XYLT1: variants seen among roughly 807,000 people sequenced by gnomAD.
XYLT1 encodes xylosyltransferase 1.
Under a neutral mutation model 91.3 loss-of-function variants are expected in XYLT1, and 36 were observed. That is an observed-to-expected ratio of 0.39 (90% CI 0.30 to 0.52). XYLT1 has a LOEUF of 0.52. XYLT1 is among the 20% of genes least tolerant of loss of function. The pLI, the probability that XYLT1 is intolerant of heterozygous loss-of-function variation, is 0.68. For synonymous variants in XYLT1, 588 were observed against 532.0 expected, an observed-to-expected ratio of 1.11 and a Z score of -1.45; for missense variants, 1,242 against 1,284.5, an observed-to-expected ratio of 0.97 and a Z score of 0.51.
At chr16:17,295,118 C>T (rs569220780) in intron 2 of XYLT1, among the ~76,000 whole-genome samples, 1 of 152,214 alleles carries the variant, frequency 6.6e-6, no homozygotes, top group South Asian at 2.1e-4. Flanking sequence ...AGCAAAGACT[C>T]CCAGTGGGTA....
chr16:17,193,211 G>C (rs1398291408), intron 5 of XYLT1: 1 of 152,206 alleles, frequency 6.6e-6, no homozygotes, highest in Non-Finnish European at 1.5e-5. Context: ...AAGTCCCACA[G>C]TTACTTATAG....
At chr16:17,322,528 C>T (rs1398531463) in intron 2 of XYLT1, among the ~76,000 whole-genome samples, 1 of 152,174 alleles carries the variant, frequency 6.6e-6, no homozygotes, top group Non-Finnish European at 1.5e-5. Context: ...CCATACTCTC[C>T]TGCCTCTAAT....
At chr16:17,111,519 A>C (rs140003114) in intron 11 of XYLT1, among the ~76,000 whole-genome samples, 283 of 152,354 alleles carry the variant, frequency 1.9e-3, no homozygotes, top group African/African-American at 6.6e-3. Context: ...TTCAGAAGAC[A>C]GTGCTTCCTG....
At chr16:17,139,046 G>C (rs896844982) in intron 7 of XYLT1, among the ~76,000 whole-genome samples, 5 of 152,162 alleles carry the variant, frequency 3.3e-5, no homozygotes, top group African/African-American at 9.7e-5. Context: ...CCATGGTACT[G>C]AACCAGGTGC....
At chr16:17,380,113 C>T (rs184116712) in intron 1 of XYLT1, among the ~76,000 whole-genome samples, 1 of 151,908 alleles carries the variant, frequency 6.6e-6, no homozygotes, top group South Asian at 2.1e-4. Context: ...CATGGTGAAA[C>T]CCCATCTCTA....
At chr16:17,449,380 C>T (rs557403722) in intron 1 of XYLT1, among the ~76,000 whole-genome samples, 74 of 152,348 alleles carry the variant, frequency 4.9e-4, no homozygotes, top group Admixed American at 4.8e-3. Context: ...GGGTGTCTGC[C>T]AGGCCTGCAG....
chr16:17,279,601 G>A (rs755377076), intron 2 of XYLT1, among the ~76,000 whole-genome samples: 2 of 152,162 alleles, frequency 1.3e-5, no homozygotes, highest in African/African-American at 2.4e-5. Context: ...TCTTCAACAA[G>A]TGTGTCATTT....
intron 3 of XYLT1, among the ~76,000 whole-genome samples, chr16:17,249,105 T>G (rs1045862039): frequency 2.0e-5 from 3 of 152,198 alleles, no homozygotes; most frequent in African/African-American, 7.2e-5. Flanking sequence ...ACGGGGATTC[T>G]ATCTGCTTTC....
At chr16:17,353,539 A>G (rs1025166963) in intron 2 of XYLT1, among the ~76,000 whole-genome samples, 1 of 152,240 alleles carries the variant, frequency 6.6e-6, no homozygotes, top group African/African-American at 2.4e-5. Context: ...TTCTTTTAAA[A>G]TAAATTTTCA....
At chr16:17,377,703 C>G (rs1307508021) in intron 1 of XYLT1, among the ~76,000 whole-genome samples, 1 of 152,142 alleles carries the variant, frequency 6.6e-6, no homozygotes, top group African/African-American at 2.4e-5. Flanking sequence ...CCTCGAAACC[C>G]AGACATGACT....
intron 5 of XYLT1, among the ~76,000 whole-genome samples, chr16:17,176,048 A>C (rs1249380834): frequency 6.6e-6 from 1 of 152,102 alleles, no homozygotes; most frequent in Non-Finnish European, 1.5e-5. Context: ...TGCAAAAAAA[A>C]AATGCGGTAA....
At chr16:17,330,664 C>A (rs2034882371) in intron 2 of XYLT1, among the ~76,000 whole-genome samples, 1 of 151,782 alleles carries the variant, frequency 6.6e-6, no homozygotes, top group Non-Finnish European at 1.5e-5. Flanking sequence ...TATGGTGATA[C>A]ATGCCTGTAA....
chr16:17,138,807 G>T (rs1246210795), intron 7 of XYLT1: 5 of 344,254 alleles, frequency 1.5e-5, no homozygotes, highest in Admixed American at 3.8e-5. Context: ...GGACTCTTAT[G>T]TTCTCTGCAT....
chr16:17,420,128 G>A (rs542875872), intron 1 of XYLT1, among the ~76,000 whole-genome samples: 3 of 152,104 alleles, frequency 2.0e-5, no homozygotes, highest in Non-Finnish European at 2.9e-5. Flanking sequence ...TGCTACCCAC[G>A]TTATCCAAAA....
chr16:17,302,636 A>T (rs746200689), intron 2 of XYLT1, among the ~76,000 whole-genome samples: 30 of 152,234 alleles, frequency 2.0e-4, no homozygotes, highest in Non-Finnish European at 3.5e-4. Context: ...GCTCCAAGGT[A>T]TGATGGTCCT....
chr16:17,203,479 C>G (rs1204325205), intron 3 of XYLT1, among the ~76,000 whole-genome samples: 3 of 151,886 alleles, frequency 2.0e-5, no homozygotes, highest in African/African-American at 7.3e-5. Flanking sequence ...TCTGTCCATC[C>G]ATCTACCCAC....
chr16:17,140,324 AG>A (rs2141518868), intron 7 of XYLT1, among the ~76,000 whole-genome samples: 2 of 152,270 alleles, frequency 1.3e-5, no homozygotes, highest in East Asian at 3.9e-4. Context: ...TGGTGTAAAA[AG>A]GTGGTCATTA....
intron 1 of XYLT1, among the ~76,000 whole-genome samples, chr16:17,367,495 C>T (rs1198075685): frequency 1.3e-5 from 2 of 152,230 alleles, no homozygotes; most frequent in African/African-American, 4.8e-5. Flanking sequence ...ACCAAGATGG[C>T]AGGTGGCCCA....
intron 9 of XYLT1, among the ~76,000 whole-genome samples, chr16:17,129,072 GAAAAAAAAAA>G (rs34234422): frequency 0.16 from 15,396 of 95,556 alleles, 1,220 homozygotes; most frequent in Non-Finnish European, 0.2. Context: ...AGGGAGCATA[GAAAAAAAAAA>G]AAAAAAAAAA....
Sources: allele counts gnomAD v4.1 joint callset (sites outside exome capture counted in the v4.1 genomes callset), GRCh38; gene constraint gnomAD v4.1.1; transcripts MANE v1.5; gene names NCBI Gene and HGNC (gene_info 2026-07-23, HGNC 2026-07-21).